Variants in KLC1 observed in about 807,000 individuals in gnomAD.
KLC1 encodes the protein kinesin light chain 1, also known as kinesin 2 60/70kDa.
KLC1 carries 30 observed loss-of-function variants against 84.2 expected under a neutral mutation model. The ratio of observed to expected loss-of-function variants is 0.36; its 90% confidence interval spans 0.27 to 0.48. The LOEUF is 0.48. KLC1 is among the 20% of genes least tolerant of loss of function. KLC1 has a pLI of 0.99. For missense variants in KLC1, 499 were observed against 805.4 expected (o/e 0.62, Z 4.60); for synonymous variants, 289 against 293.3 (o/e 0.99, Z 0.15).
intron 1 of KLC1, among the ~76,000 whole-genome samples, chr14:103,650,178 G>C (rs1458310426): frequency 6.6e-6 from 1 of 151,988 alleles, no homozygotes. Context: ...GGGCCAGATA[G>C]CTTGTGTGTC....
At chr14:103,679,662 T>A in intron 13 of KLC1, 117 bp downstream of exon 13, 1 of 714,552 alleles carries the variant, frequency 1.4e-6, no homozygotes, top group Non-Finnish European at 2.4e-6. Flanking sequence ...AAGTGCCAAT[T>A]AAGCTTTCTG....
rs939573671 is a variant in KLC1 at position 103,684,904 on chromosome 14, A to C, written c.1651-2177A>C. On this transcript the variant is annotated intron_variant, in intron 13 of 16. Coordinates refer to ENST00000334553, the MANE Select transcript of KLC1 (RefSeq NM_001394837.1). The stretch of plus-strand genomic sequence containing the variant: ...TTAGCATTTTAGCATCCTTTTTCTC[A>C]AGAGCAGCAAAAACTTATGTTTTCT... 13 of 722,886 alleles carry C rather than the reference A, an allele frequency of 1.8e-5. No individual in the cohort carries two copies. In the African/African-American group the frequency reaches 2.3e-4, roughly 13 times the overall value. 44.8% of individuals were successfully genotyped at this position (722,886 alleles called of 1,614,324 possible).
chr14:103,647,218 CT>C (rs895749078), intron 1 of KLC1, among the ~76,000 whole-genome samples: 17 of 151,150 alleles, frequency 1.1e-4, no homozygotes, highest in Middle Eastern at 3.2e-3. Flanking sequence ...TATCCAGAAA[CT>C]TTTTTTTTAT....
intron 15 of KLC1, chr14:103,695,347 A>G (rs868199361): frequency 0.072 from 30,815 of 425,286 alleles, 772 homozygotes; most frequent in Middle Eastern, 0.13. Context: ...GTGTATATAT[A>G]TATATATATA....
chr14:103,654,692 A>G lies in KLC1; in HGVS notation c.128A>G (p.Asn43Ser), dbSNP rs773421951. 2 of 1,614,236 alleles carry G rather than the reference A, an allele frequency of 1.2e-6. No individual in the cohort carries two copies. Among genetic ancestry groups the G allele is most frequent in the Non-Finnish European group, 1.7e-6 (2 of 1,180,042 alleles). ...QGLEALKNEH[N>S]SILQSLLETL... ...CTGGAAGCTTTGAAGAATGAGCACA[A>G]TTCCATTTTACAAAGTTTGCTGGAG... Residue 43 changes from asparagine to serine, a missense_variant, in exon 2 of 17, where the codon AAT (asparagine) becomes AGT (serine). Physicochemically the swap from Asn to Ser is conservative, Grantham distance 46 (BLOSUM62 1). Coordinates refer to ENST00000334553, the MANE Select transcript of KLC1 (RefSeq NM_001394837.1).
At chr14:103,692,505 T>C (rs1595577618) in intron 15 of KLC1, 80 bp downstream of exon 15, 1 of 1,243,198 alleles carries the variant, frequency 8.0e-7, no homozygotes, top group South Asian at 1.3e-5. Flanking sequence ...ACTCGGCCCC[T>C]GCTCGGCCCC....
At chr14:103,695,301 A>G in intron 15 of KLC1, 1 of 738,222 alleles carries the variant, frequency 1.4e-6, no homozygotes, top group Non-Finnish European at 1.6e-6. Context: ...TGTCTAGCAA[A>G]AAAAACCATG....
At chr14:103,664,119 C>T (rs2079541904) in intron 5 of KLC1, among the ~76,000 whole-genome samples, 3 of 152,038 alleles carry the variant, frequency 2.0e-5, no homozygotes, top group African/African-American at 7.2e-5. Context: ...TGACTGTTTT[C>T]CTGTTGGTGA....
At chr14:103,692,507 C>T in intron 15 of KLC1, 82 bp downstream of exon 15, 10 of 1,206,148 alleles carry the variant, frequency 8.3e-6, no homozygotes, top group Non-Finnish European at 1.1e-5. Context: ...TCGGCCCCTG[C>T]TCGGCCCCTG....
In KLC1 at chr14:103,687,233, C is replaced by G. The variant is rs1244002250; in HGVS notation, c.1781+22C>G. The G allele has an allele frequency of 1.3e-5, 20 of 1,524,192 alleles. No homozygotes were observed. In the South Asian group the frequency reaches 2.2e-4, roughly 16 times the overall value. 94.4% of individuals were successfully genotyped at this position (1,524,192 alleles called of 1,614,324 possible). ...CCGGGTAACTATCTCTTCCAGCTCT[C>G]CCGACTCCCTGCACGCCGGCTGCTG... is the stretch of plus-strand genomic sequence containing the variant. On this transcript the variant is annotated intron_variant, in intron 14 of 16. Coordinates refer to ENST00000334553, the MANE Select transcript of KLC1 (RefSeq NM_001394837.1).
At chr14:103,679,666 C>T (rs750883671) in intron 13 of KLC1, 121 bp downstream of exon 13, 5 of 694,606 alleles carry the variant, frequency 7.2e-6, no homozygotes, top group African/African-American at 1.8e-5. Flanking sequence ...GCCAATTAAG[C>T]TTTCTGTAAG....
In KLC1 at chr14:103,693,894, G is replaced by A; in HGVS notation, c.1848+1469G>A. The A allele has an allele frequency of 7.6e-7, 1 of 1,312,274 alleles. No homozygotes were observed. Among genetic ancestry groups the A allele is most frequent in the Non-Finnish European group, 9.7e-7 (1 of 1,030,862 alleles). The allele number at this position is 1,312,274 out of a possible 1,614,324, so 81.3% of individuals were successfully genotyped here. On this transcript the variant is annotated intron_variant, in intron 15 of 16. Coordinates refer to ENST00000334553, the MANE Select transcript of KLC1 (RefSeq NM_001394837.1). This position sits in a 1 kb window ranked among gnomAD's most constrained non-coding sequence, Gnocchi z 5.1. Reference sequence around the variant, plus strand: ...CCGAGGTGGCGCTGAGGTGGCTTCAGCACGCTGGGGATTGGCTCCTGCTCA... The same window carrying A: ...CCGAGGTGGCGCTGAGGTGGCTTCAACACGCTGGGGATTGGCTCCTGCTCA...
At chr14:103,676,962 T>C (rs2080948255) in intron 11 of KLC1, among the ~76,000 whole-genome samples, 2 of 152,184 alleles carry the variant, frequency 1.3e-5, no homozygotes, top group Admixed American at 1.3e-4. Context: ...CACACCCCAC[T>C]GATAAGGAGG....
At chr14:103,679,329 T>C in intron 12 of KLC1, 55 bp from the exon 13 acceptor site, 4 of 1,478,480 alleles carry the variant, frequency 2.7e-6, no homozygotes, top group Non-Finnish European at 3.7e-6. Context: ...CAGAAATACC[T>C]AAGAAAATCT....
chr14:103,674,406 G>A (rs187404705), intron 9 of KLC1, among the ~76,000 whole-genome samples: 20 of 144,928 alleles, frequency 1.4e-4, no homozygotes, highest in East Asian at 6.0e-4. Context: ...ATATTGATTC[G>A]TATGCTTGTT....
intron 15 of KLC1, chr14:103,698,405 G>A (rs773761112): frequency 2.7e-5 from 8 of 296,058 alleles, no homozygotes; most frequent in Non-Finnish European, 3.9e-5. Flanking sequence ...GGGGTCTGAG[G>A]CCCCAGCCCA....
At chr14:103,639,390 C>T (rs1397496993) in intron 1 of KLC1, among the ~76,000 whole-genome samples, 2 of 152,174 alleles carry the variant, frequency 1.3e-5, no homozygotes, top group African/African-American at 2.4e-5. Context: ...CTCAGCCTCC[C>T]AAAGTGTTGG....
At chr14:103,675,818 T>TA (rs1262488442) in intron 11 of KLC1, 62 bp downstream of exon 11, 2 of 1,356,130 alleles carry the variant, frequency 1.5e-6, no homozygotes, top group African/African-American at 2.9e-5. Context: ...AATTGTGTTC[T>TA]ACAGGGCAGC....
chr14:103,643,284 G>T (rs921324879), intron 1 of KLC1, among the ~76,000 whole-genome samples: 4 of 152,124 alleles, frequency 2.6e-5, no homozygotes, highest in Non-Finnish European at 5.9e-5. Flanking sequence ...TGGAGTGTGG[G>T]CTGCACTTAG....
Sources: allele counts gnomAD v4.1 joint callset (sites outside exome capture counted in the v4.1 genomes callset), GRCh38; gene constraint gnomAD v4.1.1; non-coding constraint Gnocchi (gnomAD v3.1); transcripts MANE v1.5; gene names NCBI Gene and HGNC (gene_info 2026-07-23, HGNC 2026-07-21).